SYT1: variants seen among roughly 807,000 people sequenced by gnomAD.
SYT1 encodes the protein synaptotagmin-1.
Under a neutral mutation model 44.8 loss-of-function variants are expected in SYT1, and 8 were observed. The observed-to-expected ratio is 0.18, with a 90% CI of 0.10 to 0.32. The LOEUF is 0.32. Among genes scored for constraint, SYT1 ranks in the 10% least tolerant of loss-of-function variants. The pLI, the probability that SYT1 is intolerant of heterozygous loss-of-function variation, is 1.00. For synonymous variants in SYT1, 154 were observed against 188.8 expected (o/e 0.82, Z 1.51); for missense variants, 286 against 509.3 (o/e 0.56, Z 4.22).
At chr12:78,964,321 T>G (rs1015483844) in intron 1 of SYT1, among the ~76,000 whole-genome samples, 1 of 152,228 alleles carries the variant, frequency 6.6e-6, no homozygotes. Context: ...AAACCCAACT[T>G]AAAGCTTCCC....
At chr12:79,279,884 C>A in intron 4 of SYT1, among the ~76,000 whole-genome samples, 1 of 152,028 alleles carries the variant, frequency 6.6e-6, no homozygotes, top group Non-Finnish European at 1.5e-5. Context: ...AACTCAATCC[C>A]ATTTATAATA....
intron 1 of SYT1, among the ~76,000 whole-genome samples, chr12:78,881,472 C>G (rs1434504416): frequency 1.3e-5 from 2 of 151,632 alleles, no homozygotes; most frequent in Admixed American, 1.3e-4. Flanking sequence ...CTTTGTATTC[C>G]CATTTACTGG....
intron 1 of SYT1, among the ~76,000 whole-genome samples, chr12:78,976,308 A>G (rs1389579584): frequency 1.3e-5 from 2 of 152,236 alleles, no homozygotes; most frequent in African/African-American, 4.8e-5. Flanking sequence ...AAGTATTAAA[A>G]GCAGCCTGAG....
In SYT1 at chr12:79,291,952, A is replaced by G. The variant is rs1417780390; in HGVS notation, c.352-56A>G. 26 of 1,608,150 alleles carry G rather than the reference A, an allele frequency of 1.6e-5. No homozygotes were observed. In the East Asian group the frequency reaches 1.8e-4, roughly 11 times the overall value. On this transcript the variant is annotated intron_variant, in intron 5 of 10. Transcript: ENST00000261205. ...GAAGTGTAACTACAGGCCCAGTTCA[A>G]TTTGAGTTTTGATGAAAACTCTGAA...
intron 1 of SYT1, among the ~76,000 whole-genome samples, chr12:78,931,848 T>A (rs1877773573): frequency 6.6e-6 from 1 of 152,200 alleles, no homozygotes; most frequent in Non-Finnish European, 1.5e-5. Flanking sequence ...GGTAGAGAGC[T>A]GAGCAGTCAG....
At chr12:79,286,687 C>T (rs944690788) in intron 5 of SYT1, among the ~76,000 whole-genome samples, 15 of 152,012 alleles carry the variant, frequency 9.9e-5, no homozygotes, top group African/African-American at 3.6e-4. Context: ...CTTTATGTTG[C>T]TATCTGTTTT....
chr12:79,136,048 G>C (rs762142045), intron 3 of SYT1, among the ~76,000 whole-genome samples: 1 of 152,124 alleles, frequency 6.6e-6, no homozygotes, highest in African/African-American at 2.4e-5. Context: ...GAAAGGAGTT[G>C]GGTTGAGTTC....
intron 3 of SYT1, among the ~76,000 whole-genome samples, chr12:79,202,949 G>A (rs548122775): frequency 8.7e-4 from 133 of 152,212 alleles, no homozygotes; most frequent in Middle Eastern, 3.4e-3. Context: ...ACACAACCCT[G>A]TTTTGAATAG....
At chr12:79,416,813 T>C (rs1868769670) in intron 9 of SYT1, among the ~76,000 whole-genome samples, 1 of 152,144 alleles carries the variant, frequency 6.6e-6, no homozygotes, top group South Asian at 2.1e-4. Context: ...TTATACACTA[T>C]TGATAAAGAA....
intron 8 of SYT1, among the ~76,000 whole-genome samples, chr12:79,333,046 A>G (rs1004165991): frequency 6.6e-6 from 1 of 152,214 alleles, no homozygotes; most frequent in African/African-American, 2.4e-5. Flanking sequence ...CATTCCATCT[A>G]CAGAGGGTTA....
intron 2 of SYT1, among the ~76,000 whole-genome samples, chr12:79,014,122 C>CAAAAAAAAAAAAAA (rs1358787041): frequency 1.3e-4 from 5 of 39,724 alleles, no homozygotes; most frequent in Non-Finnish European, 1.7e-4. Flanking sequence ...AGACTCTCTC[C>CAAAAAAAAAAAAAA]AAAAAAAAAA....
intron 3 of SYT1, among the ~76,000 whole-genome samples, chr12:79,106,502 C>CTT (rs568453527): frequency 1.4e-3 from 203 of 140,038 alleles, no homozygotes; most frequent in Admixed American, 3.4e-3. Context: ...GTTTATAATG[C>CTT]TTTTTTTTTT....
At chr12:79,158,135 C>G (rs912823613) in intron 3 of SYT1, among the ~76,000 whole-genome samples, 1 of 152,048 alleles carries the variant, frequency 6.6e-6, no homozygotes, top group Non-Finnish European at 1.5e-5. Context: ...AACATATATA[C>G]ATATGTTACA....
At chr12:79,134,258 G>T (rs1869039847) in intron 3 of SYT1, among the ~76,000 whole-genome samples, 1 of 152,194 alleles carries the variant, frequency 6.6e-6, no homozygotes, top group Non-Finnish European at 1.5e-5. Flanking sequence ...CTCAATCAAT[G>T]TAAGGAATCT....
chr12:78,887,448 A>G (rs1874812010), intron 1 of SYT1, among the ~76,000 whole-genome samples: 1 of 151,992 alleles, frequency 6.6e-6, no homozygotes, highest in African/African-American at 2.4e-5. Context: ...TTCTTGACTT[A>G]GTAAGGAAAG....
At chr12:79,175,342 T>C (rs1871791528) in intron 3 of SYT1, among the ~76,000 whole-genome samples, 1 of 152,102 alleles carries the variant, frequency 6.6e-6, no homozygotes, top group Non-Finnish European at 1.5e-5. Context: ...AGGGATAATG[T>C]AATAAATACT....
intron 4 of SYT1, among the ~76,000 whole-genome samples, chr12:79,224,469 G>A (rs1193158014): frequency 6.6e-6 from 1 of 152,076 alleles, no homozygotes. Flanking sequence ...AGGAAGTGGA[G>A]GAGAAGCTAT....
At chr12:78,927,201 C>A (rs965357174) in intron 1 of SYT1, among the ~76,000 whole-genome samples, 1 of 152,102 alleles carries the variant, frequency 6.6e-6, no homozygotes, top group African/African-American at 2.4e-5. Flanking sequence ...TCTTTAAGAT[C>A]TCCTTCTTTC....
chr12:78,937,558 A>G (rs1878130767), intron 1 of SYT1, among the ~76,000 whole-genome samples: 1 of 152,174 alleles, frequency 6.6e-6, no homozygotes, highest in African/African-American at 2.4e-5. Flanking sequence ...TATTACAAAG[A>G]TAAATAAATT....
Sources: allele counts gnomAD v4.1 joint callset (sites outside exome capture counted in the v4.1 genomes callset), GRCh38; gene constraint gnomAD v4.1.1; transcripts MANE v1.5; gene names NCBI Gene and HGNC (gene_info 2026-07-23, HGNC 2026-07-21).